BACH1: variants seen among roughly 807,000 people sequenced by gnomAD.
The protein encoded by BACH1 is transcription regulator protein BACH1.
In BACH1, 35 loss-of-function variants were observed where a neutral mutation model predicts 52.9. The ratio of observed to expected loss-of-function variants is 0.66; its 90% CI spans 0.51 to 0.88. The LOEUF (loss-of-function observed/expected upper bound fraction) is 0.88. Among genes scored for constraint, BACH1 ranks in the 40% least tolerant of loss-of-function variants. BACH1 has a pLI of 0.00. For missense variants in BACH1, 808 were observed against 872.6 expected (o/e 0.93, Z 0.93); for synonymous variants, 321 against 319.6 (o/e 1.00, Z -0.05).
intron 2 of BACH1, among the ~76,000 whole-genome samples, chr21:29,359,606 A>G (rs982870906): frequency 1.7e-4 from 26 of 151,972 alleles, no homozygotes; most frequent in African/African-American, 6.3e-4. Flanking sequence ...ATAAATCTCA[A>G]GACTCCAGAA....
intron 2 of BACH1, among the ~76,000 whole-genome samples, chr21:29,355,973 G>A (rs142066063): frequency 1.5e-3 from 221 of 152,344 alleles, no homozygotes; most frequent in African/African-American, 5.2e-3. Flanking sequence ...GCAGTGAGGA[G>A]GTCTAGGCCT....
rs368322 is a variant in BACH1 at position 29,344,830 on chromosome 21, C to T, written c.*1997C>T. The stretch of plus-strand genomic sequence containing the variant: ...CTTGATTTCCTACCTCAGTGTACAC[C>T]CAACTATTGGTTGTATCAGTTTGTG... On this transcript the variant is annotated 3_prime_UTR_variant, in exon 5 of 5. Coordinates refer to ENST00000286800, the MANE Select transcript of BACH1 (RefSeq NM_001186.4). 107,072 of 152,534 alleles carry T rather than the reference C, an allele frequency of 0.7. 38,799 individuals carry two copies. The highest frequency in any genetic ancestry group is 0.87 in the African/African-American group (36,191 of 41,528). 9.4% of individuals were successfully genotyped at this position (152,534 alleles called of 1,614,324 possible).
chr21:29,334,994 T>C (rs1417451909), intron 4 of BACH1, among the ~76,000 whole-genome samples: 1 of 152,242 alleles, frequency 6.6e-6, no homozygotes, highest in Non-Finnish European at 1.5e-5. Context: ...ATCATAGTTA[T>C]CTTGGGGTGC....
intron 2 of BACH1, among the ~76,000 whole-genome samples, chr21:29,356,289 CTT>C (rs2089234326): frequency 6.6e-6 from 1 of 152,144 alleles, no homozygotes; most frequent in South Asian, 2.1e-4. Flanking sequence ...TTTTAGCAAA[CTT>C]TTGTTGAAAA....
intron 1 of BACH1, among the ~76,000 whole-genome samples, chr21:29,315,083 G>T (rs1153290): frequency 0.66 from 100,048 of 151,594 alleles, 33,300 homozygotes; most frequent in East Asian, 0.82. Flanking sequence ...CATGTCTTTA[G>T]AATTTTTCTT....
intron 3 of BACH1, 120 bp downstream of exon 3, chr21:29,327,513 C>T (rs2088928158): frequency 5.2e-6 from 7 of 1,344,536 alleles, no homozygotes; most frequent in Non-Finnish European, 7.0e-6. Context: ...GGAGGAAACT[C>T]ATACAAAATT....
chr21:29,311,242 T>C (rs1427128146), intron 1 of BACH1, among the ~76,000 whole-genome samples: 1 of 152,232 alleles, frequency 6.6e-6, no homozygotes, highest in African/African-American at 2.4e-5. Context: ...AAAATCTTTT[T>C]AGTTCAGAAT....
rs552358083 is a variant in BACH1 at position 29,307,094 on chromosome 21, G to A, written c.-61+8141G>A. On this transcript the variant is annotated intron_variant, in intron 1 of 4. Transcript: ENST00000286800. ...GTGGTCTCTATGGCTTGCACTGAGTGCTGAGGCCAGCCTGGCTCAGATAGA... is the reference window on the plus strand; with the variant it reads ...GTGGTCTCTATGGCTTGCACTGAGTACTGAGGCCAGCCTGGCTCAGATAGA... Among the ~76,000 whole-genome samples, 4 of 152,274 alleles carry A rather than the reference G, an allele frequency of 2.6e-5. No homozygotes were observed. In the East Asian group the frequency reaches 7.7e-4, roughly 29 times the overall value.
downstream of BACH1, among the ~76,000 whole-genome samples, chr21:29,350,421 A>G (rs2089196017): frequency 6.6e-6 from 1 of 152,232 alleles, no homozygotes; most frequent in African/African-American, 2.4e-5. Context: ...TCAGTTGCTG[A>G]TAATGGAGTA....
chr21:29,319,691 C>T (rs1193631916), intron 1 of BACH1, among the ~76,000 whole-genome samples: 2 of 145,112 alleles, frequency 1.4e-5, no homozygotes, highest in Non-Finnish European at 3.0e-5. Flanking sequence ...GGGTGTGCAT[C>T]CTAGATACCA....
intron 1 of BACH1, among the ~76,000 whole-genome samples, chr21:29,300,643 A>G (rs1347261370): frequency 2.0e-5 from 3 of 152,206 alleles, no homozygotes; most frequent in Admixed American, 2.0e-4. Context: ...TGTAACAAAA[A>G]TATTTACTAC....
chr21:29,341,910 T>C (rs912160596), intron 4 of BACH1, among the ~76,000 whole-genome samples: 35 of 152,238 alleles, frequency 2.3e-4, no homozygotes, highest in African/African-American at 8.2e-4. Context: ...ACTGTACTTT[T>C]ACTTTTTTTC....
chr21:29,336,506 G>A (rs1427413013), intron 4 of BACH1, among the ~76,000 whole-genome samples: 1 of 152,010 alleles, frequency 6.6e-6, no homozygotes, highest in African/African-American at 2.4e-5. Flanking sequence ...TAATTATCCC[G>A]TTCCCCAATA....
intron 4 of BACH1, 56 bp downstream of exon 4, chr21:29,329,749 A>C (rs569264457): frequency 7.7e-7 from 1 of 1,298,544 alleles, no homozygotes; most frequent in South Asian, 1.9e-5. Flanking sequence ...TTTTTTGTCA[A>C]GGAAATAGTT....
chr21:29,327,006 A>G lies in BACH1; in HGVS notation c.1182A>G (p.Ala394=), dbSNP rs745456923. 6.2e-7 allele frequency: 1 copy of G among 1,614,116 alleles called. No homozygotes were observed. The highest frequency in any genetic ancestry group is 8.5e-7 in the Non-Finnish European group (1 of 1,180,006). Residue 394 remains alanine (A), a synonymous_variant, in exon 3 of 5, where the codon GCA becomes GCG. Transcript: ENST00000286800. ...GGAGTAGTGTGGAGCGAGAAGTGGC[A>G]GAACACCTAGCAAAAGGCTTCTGGA... ...SDRSSVEREV[A]EHLAKGFWSD...
At position 29,334,761 on chromosome 21, in the gene BACH1, A is replaced by T. The variant is rs79433795; in HGVS notation, c.1776+5068A>T. 1.2e-3 allele frequency among the ~76,000 whole-genome samples: 186 copies of T among 152,326 alleles called. 1 individual carries two copies. In the East Asian group the frequency reaches 0.034, roughly 27 times the overall value. Reference sequence around the variant, plus strand: ...TTTTATTTCATTACTTTTGTCCATTATGATGGCACAGAAGTAAAACGACCT... The same window carrying T: ...TTTTATTTCATTACTTTTGTCCATTTTGATGGCACAGAAGTAAAACGACCT... On this transcript the variant is annotated intron_variant, in intron 4 of 4. Coordinates refer to ENST00000286800, the MANE Select transcript of BACH1 (RefSeq NM_001186.4).
At chr21:29,310,424 T>C (rs2088707430) in intron 1 of BACH1, among the ~76,000 whole-genome samples, 1 of 152,216 alleles carries the variant, frequency 6.6e-6, no homozygotes, top group African/African-American at 2.4e-5. Context: ...GTGATGAGGG[T>C]GGCAACCAAG....
intron 1 of BACH1, among the ~76,000 whole-genome samples, chr21:29,312,810 G>GT (rs1203951432): frequency 6.6e-6 from 1 of 152,258 alleles, no homozygotes; most frequent in Admixed American, 6.5e-5. Flanking sequence ...GGAGGACTCA[G>GT]TTTTTTAGAT....
At chr21:29,352,227 C>G (rs539441429) in intron 2 of BACH1, among the ~76,000 whole-genome samples, 26 of 151,356 alleles carry the variant, frequency 1.7e-4, no homozygotes, top group African/African-American at 6.3e-4. Context: ...GCTAATTTTT[C>G]TATTTTTGGT....
Sources: allele counts gnomAD v4.1 joint callset (sites outside exome capture counted in the v4.1 genomes callset), GRCh38; gene constraint gnomAD v4.1.1; transcripts MANE v1.5; gene names NCBI Gene and HGNC (gene_info 2026-07-23, HGNC 2026-07-21).